GALNT18: variants seen among roughly 807,000 people sequenced by gnomAD.
GALNT18 encodes polypeptide N-acetylgalactosaminyltransferase 18.
Under a neutral mutation model 69.5 loss-of-function variants are expected in GALNT18, and 44 were observed. The ratio of observed to expected loss-of-function variants is 0.63; its 90% CI spans 0.50 to 0.81. The LOEUF is 0.81. GALNT18 is among the 40% of genes least tolerant of loss of function. GALNT18 has a pLI of 0.00. For synonymous variants in GALNT18, 364 were observed against 318.2 expected, an observed-to-expected ratio of 1.14 and a Z score of -1.53; for missense variants, 715 against 810.0, an observed-to-expected ratio of 0.88 and a Z score of 1.42.
intron 1 of GALNT18, among the ~76,000 whole-genome samples, chr11:11,580,727 G>T (rs1859058329): frequency 6.6e-6 from 1 of 152,220 alleles, no homozygotes; most frequent in African/African-American, 2.4e-5. Context: ...CACACCAAGG[G>T]TCATCACACC....
In GALNT18 at chr11:11,444,901, A is replaced by G. The variant is rs1205909823; in HGVS notation, c.428+3843T>C. Among the ~76,000 whole-genome samples, 1 of 152,234 alleles carries G rather than the reference A, an allele frequency of 6.6e-6. No homozygotes were observed. Among genetic ancestry groups the G allele is most frequent in the Non-Finnish European group, 1.5e-5 (1 of 68,046 alleles). The stretch of plus-strand genomic sequence containing the variant: ...CCGGCTATGGCAAGAGCCACACAGC[A>G]TGAATCTTCCAGAGACTGCAGTGAC... On this transcript the variant is annotated intron_variant, in intron 2 of 10. Coordinates refer to ENST00000227756, the MANE Select transcript of GALNT18 (RefSeq NM_198516.3). This position sits in a 1 kb window ranked among gnomAD's most constrained non-coding sequence, Gnocchi z 4.4.
intron 1 of GALNT18, among the ~76,000 whole-genome samples, chr11:11,580,118 C>T (rs920232791): frequency 6.6e-6 from 1 of 152,218 alleles, no homozygotes; most frequent in African/African-American, 2.4e-5. Flanking sequence ...GAAACAGACT[C>T]TCTTTCACAA....
intron 1 of GALNT18, among the ~76,000 whole-genome samples, chr11:11,501,985 T>C (rs1020633014): frequency 6.6e-6 from 1 of 152,198 alleles, no homozygotes; most frequent in Non-Finnish European, 1.5e-5. Flanking sequence ...AGAAGATCTG[T>C]GGAGGCCTCT....
At chr11:11,518,640 G>A (rs1857332069) in intron 1 of GALNT18, among the ~76,000 whole-genome samples, 1 of 152,246 alleles carries the variant, frequency 6.6e-6, no homozygotes, top group Non-Finnish European at 1.5e-5. Context: ...ACACAAAGAT[G>A]CAAATTCTTG....
intron 1 of GALNT18, among the ~76,000 whole-genome samples, chr11:11,577,901 C>T (rs1314351546): frequency 6.6e-6 from 1 of 152,164 alleles, no homozygotes; most frequent in Non-Finnish European, 1.5e-5. Flanking sequence ...GGGAGGAATA[C>T]AGATTGGCAG....
chr11:11,367,465 C>A (rs970452736), intron 6 of GALNT18, among the ~76,000 whole-genome samples: 6 of 152,162 alleles, frequency 3.9e-5, no homozygotes, highest in African/African-American at 9.7e-5. Context: ...AACAGCAAGG[C>A]CTTTCTGGGA....
At chr11:11,615,190 C>T (rs1166181396) in intron 1 of GALNT18, among the ~76,000 whole-genome samples, 2 of 152,174 alleles carry the variant, frequency 1.3e-5, no homozygotes, top group African/African-American at 2.4e-5. Context: ...GCTGCCAAGT[C>T]AAAGCTCAGA....
Position 11,402,188 on chromosome 11 carries a change from G to C in GALNT18, c.596-22924C>G, listed in dbSNP as rs1310040655. ...GCACCAGAAGAATCATGCAATCATG[G>C]TTTATTTTCTGTCACCTTGGGAACG... On this transcript the variant is annotated intron_variant, in intron 3 of 10. Transcript: ENST00000227756. The surrounding 1 kb of genome is among the most constrained non-coding windows in gnomAD (Gnocchi z 4.0). Among the ~76,000 whole-genome samples the C allele has an allele frequency of 6.6e-6, 1 of 152,202 alleles. No individual in the cohort carries two copies. The highest frequency in any genetic ancestry group is 6.5e-5 in the Admixed American group (1 of 15,280).
At chr11:11,422,238 G>T (rs1314663790) in intron 3 of GALNT18, among the ~76,000 whole-genome samples, 6 of 152,250 alleles carry the variant, frequency 3.9e-5, no homozygotes, top group African/African-American at 4.8e-5. Context: ...GACACCACCA[G>T]AGGAGATGTA....
chr11:11,350,745 C>T (rs1449394778), intron 6 of GALNT18, among the ~76,000 whole-genome samples: 1 of 152,158 alleles, frequency 6.6e-6, no homozygotes. Context: ...TTCTACTCCC[C>T]ACCCCACCAT....
chr11:11,298,134 C>T (rs904240331), intron 9 of GALNT18, among the ~76,000 whole-genome samples: 2 of 152,154 alleles, frequency 1.3e-5, no homozygotes, highest in South Asian at 2.1e-4. Context: ...GGGCAAGGGC[C>T]CCCATCCTGC....
intron 10 of GALNT18, among the ~76,000 whole-genome samples, chr11:11,276,775 G>GT (rs970063156): frequency 3.3e-5 from 5 of 152,144 alleles, no homozygotes; most frequent in Non-Finnish European, 5.9e-5. Flanking sequence ...TAATCATGTG[G>GT]TTTTTGTCAC....
chr11:11,405,187 G>A (rs1451997172), intron 3 of GALNT18, among the ~76,000 whole-genome samples: 2 of 149,146 alleles, frequency 1.3e-5, no homozygotes, highest in African/African-American at 5.0e-5. Context: ...AATGTGGGGT[G>A]TGGGTGGTCA....
intron 1 of GALNT18, among the ~76,000 whole-genome samples, chr11:11,529,155 C>T (rs1857585587): frequency 6.6e-6 from 1 of 152,230 alleles, no homozygotes; most frequent in African/African-American, 2.4e-5. Context: ...TGCATGAGGT[C>T]ACCAGGTACC....
intron 1 of GALNT18, among the ~76,000 whole-genome samples, chr11:11,514,583 AG>A (rs1174636055): frequency 2.0e-5 from 3 of 152,210 alleles, no homozygotes; most frequent in African/African-American, 7.2e-5. Context: ...ACAAGCCACT[AG>A]TCCTGCGACC....
At chr11:11,299,955 C>G (rs1339393922) in intron 9 of GALNT18, among the ~76,000 whole-genome samples, 1 of 152,136 alleles carries the variant, frequency 6.6e-6, no homozygotes, top group African/African-American at 2.4e-5. Flanking sequence ...TATGTTATGC[C>G]TCTGCAGAAA....
intron 1 of GALNT18, among the ~76,000 whole-genome samples, chr11:11,472,814 T>C (rs1856301333): frequency 6.6e-6 from 1 of 152,032 alleles, no homozygotes; most frequent in Admixed American, 6.6e-5. Flanking sequence ...AAATAGAAAC[T>C]CAAAGAAATG....
intron 3 of GALNT18, among the ~76,000 whole-genome samples, chr11:11,381,440 G>A (rs1013644163): frequency 6.6e-6 from 1 of 152,138 alleles, no homozygotes; most frequent in Non-Finnish European, 1.5e-5. Context: ...ACTCCTGCCA[G>A]TTGACTCCTG....
chr11:11,348,316 T>G (rs1850338338), intron 6 of GALNT18, among the ~76,000 whole-genome samples: 1 of 146,616 alleles, frequency 6.8e-6, no homozygotes, highest in African/African-American at 2.6e-5. Flanking sequence ...AGGCGGAGAT[T>G]GCAGTGAGCC....
Sources: allele counts gnomAD v4.1 joint callset (sites outside exome capture counted in the v4.1 genomes callset), GRCh38; gene constraint gnomAD v4.1.1; non-coding constraint Gnocchi (gnomAD v3.1); transcripts MANE v1.5; gene names NCBI Gene and HGNC (gene_info 2026-07-23, HGNC 2026-07-21).